The following DLGAP4 variants were observed in gnomAD, a reference collection of about 807,000 sequenced individuals.
DLGAP4 encodes the protein DLG associated protein 4.
DLGAP4 carries 18 observed loss-of-function variants against 86.9 expected under a neutral mutation model. The observed-to-expected ratio is 0.21, with a 90% CI of 0.14 to 0.31. The LOEUF (loss-of-function observed/expected upper bound fraction) is 0.31. Ranked by LOEUF, DLGAP4 falls within the 10% of genes least tolerant of loss-of-function variation. The pLI is 1.00. For missense variants in DLGAP4, 1,085 were observed against 1,362.6 expected (o/e 0.80, Z 3.21); for synonymous variants, 548 against 574.3 (o/e 0.95, Z 0.65).
At chr20:36,320,297 T>C (rs2065155344) in intron 1 of DLGAP4, among the ~76,000 whole-genome samples, 1 of 149,074 alleles carries the variant, frequency 6.7e-6, no homozygotes. Context: ...GTGTCCCCCT[T>C]CCCCAGCCCC....
intron 10 of DLGAP4, among the ~76,000 whole-genome samples, chr20:36,509,731 CAG>C (rs1463413809): frequency 2.0e-5 from 3 of 152,086 alleles, no homozygotes; most frequent in Admixed American, 6.6e-5. Flanking sequence ...GCCTGGACAA[CAG>C]AGTGAGACCC....
chr20:36,327,432 C>T (rs1183044517), intron 1 of DLGAP4, among the ~76,000 whole-genome samples: 1 of 152,068 alleles, frequency 6.6e-6, no homozygotes, highest in Non-Finnish European at 1.5e-5. Context: ...TAATTTTACA[C>T]CTGGCAGAGT....
At chr20:36,503,063 A>T (rs1393070965) in intron 10 of DLGAP4, among the ~76,000 whole-genome samples, 1 of 152,012 alleles carries the variant, frequency 6.6e-6, no homozygotes, top group Non-Finnish European at 1.5e-5. Context: ...TCTCACTTCT[A>T]TTTGTTCTGT....
At chr20:36,509,529 C>A (rs1204976025) in intron 10 of DLGAP4, among the ~76,000 whole-genome samples, 1 of 152,088 alleles carries the variant, frequency 6.6e-6, no homozygotes, top group Non-Finnish European at 1.5e-5. Flanking sequence ...CGAGATCACA[C>A]CACTGTACTC....
At chr20:36,376,137 T>G (rs1400274809) in intron 2 of DLGAP4, among the ~76,000 whole-genome samples, 1 of 151,886 alleles carries the variant, frequency 6.6e-6, no homozygotes, top group Non-Finnish European at 1.5e-5. Context: ...GTGCTGGGAT[T>G]ACAGGCTTGA....
At chr20:36,524,829 G>GAGAC (rs2037608242) in intron 11 of DLGAP4, among the ~76,000 whole-genome samples, 9 of 151,936 alleles carry the variant, frequency 5.9e-5, no homozygotes, top group Admixed American at 5.9e-4. Context: ...CTGAACCCGG[G>GAGAC]AGACAGAGGT....
At chr20:36,409,619 G>A (rs1457300148) in intron 2 of DLGAP4, among the ~76,000 whole-genome samples, 2 of 151,054 alleles carry the variant, frequency 1.3e-5, no homozygotes, top group Non-Finnish European at 2.9e-5. Flanking sequence ...GGAGGCTGAG[G>A]CAGGAGAATC....
chr20:36,462,476 G>T (rs2034135798), intron 7 of DLGAP4: 23 of 1,566,658 alleles, frequency 1.5e-5, no homozygotes, highest in South Asian at 2.4e-5. Flanking sequence ...TTCAGCCCTA[G>T]CCCCCTGTCT....
At chr20:36,484,895 AGAG>A (rs909335233) in intron 7 of DLGAP4, among the ~76,000 whole-genome samples, 2 of 152,260 alleles carry the variant, frequency 1.3e-5, no homozygotes, top group African/African-American at 2.4e-5. Flanking sequence ...TTGAAAATTC[AGAG>A]GAGTTTTTTT....
At chr20:36,436,473 T>C (rs918623196) in intron 4 of DLGAP4, 123 bp downstream of exon 4, 36 of 1,390,176 alleles carry the variant, frequency 2.6e-5, no homozygotes, top group African/African-American at 2.9e-5. Flanking sequence ...CCACGCCCCC[T>C]TTGAGCCACG....
chr20:36,389,335 G>A (rs891565756), intron 2 of DLGAP4, among the ~76,000 whole-genome samples: 12 of 152,162 alleles, frequency 7.9e-5, no homozygotes, highest in African/African-American at 1.4e-4. Flanking sequence ...CAGGTGGTTC[G>A]AGTACCAGCT....
At chr20:36,430,648 C>CAAAA (rs5841233) in intron 2 of DLGAP4, among the ~76,000 whole-genome samples, 3 of 58,968 alleles carry the variant, frequency 5.1e-5, no homozygotes, top group African/African-American at 1.3e-4. Context: ...GACCTTGTTG[C>CAAAA]AAAAAAAAAA....
chr20:36,374,979 C>T (rs192253204), intron 2 of DLGAP4, among the ~76,000 whole-genome samples: 4 of 152,376 alleles, frequency 2.6e-5, no homozygotes, highest in Admixed American at 1.3e-4. Context: ...GAGAGAGTCC[C>T]ATTACCTTGA....
rs765504918 is a variant in DLGAP4 at position 36,500,404 on chromosome 20, G to A, written c.2305G>A (p.Asp769Asn). The change falls in exon 10 of 13, where the codon GAC becomes AAC. Residue 769 changes from aspartate to asparagine, a missense_variant. Asp to Asn is a conservative substitution (Grantham distance 23, BLOSUM62 1). Transcript: ENST00000339266. The surrounding 1 kb of genome is among the most constrained non-coding windows in gnomAD (Gnocchi z 4.6). ...CAACCTCTCCTATGGAGACAACAGC[G>A]ACCCTGCCCTAGAGGCGTCCTCGCT... is the stretch of plus-strand genomic sequence containing the variant. ...KRNLSYGDNS[D>N]PALEASSLPP... The A allele has an allele frequency of 1.1e-5, 18 of 1,593,826 alleles. No individual in the cohort carries two copies. Among genetic ancestry groups the A allele is most frequent in the Middle Eastern group, 3.3e-4 (2 of 5,984 alleles).
intron 3 of DLGAP4, among the ~76,000 whole-genome samples, chr20:36,434,817 G>T (rs2033225697): frequency 6.6e-6 from 1 of 152,200 alleles, no homozygotes; most frequent in African/African-American, 2.4e-5. Flanking sequence ...TGCAGTACCT[G>T]TGTAGACATG....
chr20:36,472,276 T>G (rs891722524), intron 7 of DLGAP4, among the ~76,000 whole-genome samples: 3 of 151,500 alleles, frequency 2.0e-5, no homozygotes, highest in African/African-American at 7.3e-5. Context: ...CCAAGACGAG[T>G]GGATCACTTG....
At chr20:36,433,611 C>T (rs1165118374) in intron 3 of DLGAP4, among the ~76,000 whole-genome samples, 3 of 150,440 alleles carry the variant, frequency 2.0e-5, no homozygotes, top group South Asian at 4.2e-4. Flanking sequence ...AATGCAAGCG[C>T]GGGCCTGGCC....
At position 36,380,940 on chromosome 20, in the gene DLGAP4, A is replaced by C. The variant is rs2031368576; in HGVS notation, c.-73+13665A>C. ...CTTCTCTTTTGCCAGATTTGGACACATGGACACCCTAGCTGCAAGGGAAGC... is the reference window on the plus strand; with the variant it reads ...CTTCTCTTTTGCCAGATTTGGACACCTGGACACCCTAGCTGCAAGGGAAGC... On this transcript the variant is annotated intron_variant, in intron 2 of 12. Transcript: ENST00000339266. 4.6e-5 allele frequency among the ~76,000 whole-genome samples: 7 copies of C among 152,302 alleles called. No individual in the cohort carries two copies. In the South Asian group the frequency reaches 1.2e-3, roughly 27 times the overall value.
chr20:36,457,385 A>ATTT (rs869167974), intron 7 of DLGAP4, among the ~76,000 whole-genome samples: 26 of 126,344 alleles, frequency 2.1e-4, no homozygotes, highest in Admixed American at 3.9e-4. Context: ...CGCCCGGCTA[A>ATTT]TTTTTTTTTT....
Sources: gnomAD v4.1 joint callset for allele counts (sites outside exome capture counted in the v4.1 genomes callset) on GRCh38, gnomAD v4.1.1 for gene constraint, Gnocchi (gnomAD v3.1) non-coding constraint, MANE v1.5 for transcripts, NCBI Gene and HGNC (gene_info 2026-07-23, HGNC 2026-07-21) for gene names.